Variants in NWD1 observed in about 807,000 individuals in gnomAD.
NWD1 encodes NACHT domain- and WD repeat-containing protein 1.
NWD1 carries 129 observed loss-of-function variants against 135.1 expected under a neutral mutation model. That is an observed-to-expected ratio of 0.96 (90% CI 0.83 to 1.11). The LOEUF is 1.11. NWD1 is among the 50% of genes least tolerant of loss of function. The pLI, the probability that NWD1 is intolerant of heterozygous loss-of-function variation, is 0.00. For missense variants in NWD1, 1,740 were observed against 1,851.3 expected, an observed-to-expected ratio of 0.94 and a Z score of 1.10; for synonymous variants, 773 against 786.0, an observed-to-expected ratio of 0.98 and a Z score of 0.28.
At chr19:16,787,879 T>TAAC in intron 12 of NWD1, among the ~76,000 whole-genome samples, 1 of 44,214 alleles carries the variant, frequency 2.3e-5, no homozygotes, top group East Asian at 1.1e-3. Flanking sequence ...ATAATAACAA[T>TAAC]AATAATAATA....
chr19:16,766,771 A>G (rs1969239115), intron 10 of NWD1, among the ~76,000 whole-genome samples: 1 of 152,224 alleles, frequency 6.6e-6, no homozygotes, highest in East Asian at 1.9e-4. Flanking sequence ...TATTTTGTAG[A>G]GACGGGATTT....
intron 6 of NWD1, among the ~76,000 whole-genome samples, chr19:16,757,588 GC>G (rs1673048275): frequency 6.6e-6 from 1 of 152,188 alleles, no homozygotes; most frequent in African/African-American, 2.4e-5. Context: ...ACCATGCACA[GC>G]CCTGTTTTGC....
At chr19:16,752,136 G>A (rs1309342876) in intron 6 of NWD1, among the ~76,000 whole-genome samples, 4 of 151,960 alleles carry the variant, frequency 2.6e-5, no homozygotes, top group Admixed American at 6.6e-5. Flanking sequence ...TGCCTTTACT[G>A]CAACTGGCCA....
intron 17 of NWD1, among the ~76,000 whole-genome samples, chr19:16,804,563 C>G (rs1970696498): frequency 6.7e-6 from 1 of 149,086 alleles, no homozygotes; most frequent in African/African-American, 2.5e-5. Flanking sequence ...CCACTGCACT[C>G]CAGCCTGGGC....
At chr19:16,773,077 G>A (rs1300237138) in intron 10 of NWD1, 49 bp from the exon 11 acceptor site, 1 of 1,520,920 alleles carries the variant, frequency 6.6e-7, no homozygotes. Context: ...GGCAGGGAGG[G>A]TAGAGGGGGC....
chr19:16,814,973 A>T, intron 18 of NWD1, 55 bp from the exon 19 acceptor site: 2 of 1,537,014 alleles, frequency 1.3e-6, no homozygotes, highest in Non-Finnish European at 1.8e-6. Context: ...AATGTGTAGG[A>T]TTGGACCTCT....
At position 16,730,318 on chromosome 19, in the gene NWD1, C is replaced by T. The variant is rs891803868; in HGVS notation, c.-6-874C>T. Among the ~76,000 whole-genome samples, 51 of 151,422 alleles carry T rather than the reference C, an allele frequency of 3.4e-4. 1 individual carries two copies. The highest frequency in any genetic ancestry group is 2.7e-3 in the Admixed American group (41 of 15,160). On this transcript the variant is annotated intron_variant, in intron 2 of 18. Transcript: ENST00000524140. ...GCCTGGTGACAGAGTAAGACTTCGT[C>T]TCAAAAAACAAACTAACAAAAAAAC...
chr19:16,801,927 AG>A lies in NWD1; in HGVS notation c.3736+1767del, dbSNP rs112941036. Among the ~76,000 whole-genome samples, 1,061 of 152,148 alleles carry A rather than the reference AG, an allele frequency of 7.0e-3. 17 individuals carry two copies. Among genetic ancestry groups the A allele is most frequent in the African/African-American group, 0.024 (1,003 of 41,522 alleles). ...CCCCAGCTACTCAGGAGGCAGAAAC[AG>A]GAAGATTGCTTGAGGCCGGGAGTTC... On this transcript the variant is annotated intron_variant, in intron 17 of 18. Transcript: ENST00000524140.
intron 6 of NWD1, among the ~76,000 whole-genome samples, chr19:16,751,779 C>G (rs78147868): frequency 3.9e-5 from 5 of 129,588 alleles, no homozygotes; most frequent in Non-Finnish European, 7.8e-5. Flanking sequence ...CCAGCCTGGG[C>G]GACAAAGGAA....
At chr19:16,782,861 CTTCTTTCTTTCT>C (rs34577966) in intron 12 of NWD1, among the ~76,000 whole-genome samples, 1 of 148,130 alleles carries the variant, frequency 6.8e-6, no homozygotes, top group South Asian at 2.1e-4. Context: ...CTTCCTTTTC[CTTCTTTCTTTCT>C]TTCTTTCTTT....
rs1169982673 is a variant in NWD1 at position 16,817,901 on chromosome 19, A to G, written c.*2862A>G. ...TGAGAATTGATTGTTTTGTAGATAA[A>G]TCCTAATTTAAACATTGGAAATGCC... is the stretch of plus-strand genomic sequence containing the variant. On this transcript the variant is annotated 3_prime_UTR_variant, in exon 19 of 19. Transcript: ENST00000524140. 6.6e-6 allele frequency: 1 copy of G among 152,212 alleles called. No homozygotes were observed. Among genetic ancestry groups the G allele is most frequent in the East Asian group, 1.9e-4 (1 of 5,204 alleles). 9.4% of individuals were successfully genotyped at this position (152,212 alleles called of 1,614,324 possible). A position where few individuals can be genotyped will look rare whatever the true frequency, so the allele number is the denominator to read the frequency against.
chr19:16,730,853 A>G (rs192135658), intron 2 of NWD1, among the ~76,000 whole-genome samples: 46 of 150,690 alleles, frequency 3.1e-4, no homozygotes, highest in African/African-American at 1.1e-3. Context: ...ACATAAGGAG[A>G]CTCCACAAAA....
rs993412600 is a variant in NWD1, at chr19:16,812,767, A to G, written c.4288-2261A>G. ...CAGAGTTCTTACTGCAGAGGGGTCCAATGTGCTTGCTTCTCCAAGGATGAC... is the reference window on the plus strand; with the variant it reads ...CAGAGTTCTTACTGCAGAGGGGTCCGATGTGCTTGCTTCTCCAAGGATGAC... On this transcript the variant is annotated intron_variant, in intron 18 of 18. Transcript: ENST00000524140. 1.0e-5 allele frequency: 8 copies of G among 780,998 alleles called. No homozygotes were observed. The Admixed American group carries it at 1.4e-4, about 13-fold the overall frequency. The allele number at this position is 780,998 out of a possible 1,614,324, so 48.4% of individuals were successfully genotyped here.
intron 10 of NWD1, among the ~76,000 whole-genome samples, chr19:16,771,804 C>T (rs938666671): frequency 2.8e-4 from 42 of 151,044 alleles, no homozygotes; most frequent in African/African-American, 9.2e-4. Context: ...ACATAACATC[C>T]TAAATGATCC....
intron 5 of NWD1, among the ~76,000 whole-genome samples, chr19:16,746,692 AC>A (rs146894072): frequency 0.4 from 54,907 of 138,028 alleles, 10,215 homozygotes; most frequent in Middle Eastern, 0.54. Flanking sequence ...ACAAAAAACA[AC>A]AAAAAAAAAC....
In NWD1 at chr19:16,750,060, TG is replaced by T; in HGVS notation, c.1423del (p.Val475PhefsTer18). Reference protein sequence around the residue: ...HLILSACSGALGVLDTLQRVL... With the variant: ...HLILSACSGAXGVLDTLQRVL... ...ATCCTCTCAGCTTGCTCGGGGGCAC[TG>T]GGGGTTTTGGACACCTTGCAGCGGG... is the stretch of plus-strand genomic sequence containing the variant. On this transcript the variant is annotated frameshift_variant, in exon 6 of 19. Coordinates refer to ENST00000524140, the MANE Select transcript of NWD1 (RefSeq NM_001007525.5). LOFTEE classifies it high-confidence loss of function. The T allele has an allele frequency of 6.2e-7, 1 of 1,613,958 alleles. No individual in the cohort carries two copies. The highest frequency in any genetic ancestry group is 8.5e-7 in the Non-Finnish European group (1 of 1,179,994).
intron 6 of NWD1, among the ~76,000 whole-genome samples, chr19:16,757,391 C>T (rs945732203): frequency 3.3e-5 from 5 of 152,178 alleles, no homozygotes; most frequent in Admixed American, 6.5e-5. Flanking sequence ...GAGCATCCAT[C>T]CTCCAAGGCT....
intron 12 of NWD1, among the ~76,000 whole-genome samples, chr19:16,788,386 T>G (rs1970128676): frequency 6.7e-6 from 1 of 149,730 alleles, no homozygotes; most frequent in South Asian, 2.1e-4. Context: ...CTCGCCAACA[T>G]AGTCAAACCC....
intron 5 of NWD1, 51 bp downstream of exon 5, chr19:16,744,769 G>C (rs931853212): frequency 1.4e-6 from 2 of 1,447,438 alleles, no homozygotes; most frequent in African/African-American, 1.4e-5. Context: ...CTGACCACGT[G>C]TTCAGAATAT....
Sources: allele counts gnomAD v4.1 joint callset (sites outside exome capture counted in the v4.1 genomes callset), GRCh38; gene constraint gnomAD v4.1.1; transcripts MANE v1.5; gene names NCBI Gene and HGNC (gene_info 2026-07-23, HGNC 2026-07-21).